Variants in GRID1 observed in about 807,000 individuals in gnomAD.
GRID1 encodes the protein glutamate ionotropic receptor delta type subunit 1, also known as glutamate receptor ionotropic, delta-1.
A neutral mutation model predicts 98.0 loss-of-function variants in GRID1; 28 were observed. That is an observed-to-expected ratio of 0.29 (90% confidence interval 0.21 to 0.39). The LOEUF is 0.39. GRID1 is among the 10% of genes least tolerant of loss of function. The probability of loss-of-function intolerance (pLI) is 1.00; values close to 1 mark genes in which losing one functional copy is unlikely to be tolerated. For synonymous variants in GRID1, 553 were observed against 538.5 expected, an observed-to-expected ratio of 1.03 and a Z score of -0.37; for missense variants, 1,111 against 1,340.5, an observed-to-expected ratio of 0.83 and a Z score of 2.67.
At chr10:85,806,406 T>C (rs569065845) in intron 8 of GRID1, among the ~76,000 whole-genome samples, 8 of 152,306 alleles carry the variant, frequency 5.3e-5, no homozygotes, top group African/African-American at 1.7e-4. Flanking sequence ...AGCAATTTCT[T>C]AGACTGTGTT....
intron 2 of GRID1, among the ~76,000 whole-genome samples, chr10:86,257,763 A>G (rs1215529129): frequency 3.3e-5 from 5 of 152,198 alleles, no homozygotes; most frequent in African/African-American, 9.7e-5. Flanking sequence ...GCTGAGAAAC[A>G]CAGAGAGGGC....
chr10:86,274,858 CAG>C (rs1847245172), intron 2 of GRID1, among the ~76,000 whole-genome samples: 1 of 151,784 alleles, frequency 6.6e-6, no homozygotes, highest in African/African-American at 2.4e-5. Flanking sequence ...CATCTGCAAA[CAG>C]GGACAATTTG....
At chr10:86,178,901 G>A (rs1392663814) in intron 3 of GRID1, among the ~76,000 whole-genome samples, 1 of 152,172 alleles carries the variant, frequency 6.6e-6, no homozygotes, top group African/African-American at 2.4e-5. Context: ...TGAGCCAAGA[G>A]CCTTGACCTT....
chr10:86,007,892 T>C (rs1442956369), intron 4 of GRID1, among the ~76,000 whole-genome samples: 2 of 151,542 alleles, frequency 1.3e-5, no homozygotes, highest in African/African-American at 4.9e-5. Flanking sequence ...GGGAGAGAGA[T>C]TCAAGAATGG....
At chr10:86,103,147 A>G (rs1844324254) in intron 4 of GRID1, among the ~76,000 whole-genome samples, 1 of 152,112 alleles carries the variant, frequency 6.6e-6, no homozygotes. Context: ...TACAGCAGGA[A>G]AGCAAGAGGA....
At chr10:86,161,467 G>A (rs1043851367) in intron 3 of GRID1, among the ~76,000 whole-genome samples, 12 of 152,076 alleles carry the variant, frequency 7.9e-5, no homozygotes, top group Non-Finnish European at 1.3e-4. Flanking sequence ...TACCCCCACC[G>A]AGCGCTCCTG....
intron 8 of GRID1, among the ~76,000 whole-genome samples, chr10:85,823,724 GA>G (rs1356974591): frequency 6.6e-6 from 1 of 151,888 alleles, no homozygotes. Flanking sequence ...ACAGTCAGGG[GA>G]AAAAATGTTA....
At chr10:86,280,022 A>G (rs1847335009) in intron 2 of GRID1, among the ~76,000 whole-genome samples, 1 of 151,966 alleles carries the variant, frequency 6.6e-6, no homozygotes, top group African/African-American at 2.4e-5. Context: ...GGGCAACATA[A>G]CAAGATCTCA....
intron 3 of GRID1, among the ~76,000 whole-genome samples, chr10:86,204,667 C>T (rs11201939): frequency 0.27 from 40,642 of 152,170 alleles, 6,346 homozygotes; most frequent in Non-Finnish European, 0.36. Context: ...ATCACCTGCC[C>T]TCCCAGCGGC....
At chr10:85,915,704 GACAT>G (rs1304769134) in intron 5 of GRID1, among the ~76,000 whole-genome samples, 5 of 151,482 alleles carry the variant, frequency 3.3e-5, no homozygotes, top group Non-Finnish European at 7.4e-5. Flanking sequence ...CATAAACACA[GACAT>G]ACACACACAC....
chr10:86,178,866 A>G (rs1386374020), intron 3 of GRID1, among the ~76,000 whole-genome samples: 5 of 152,188 alleles, frequency 3.3e-5, no homozygotes, highest in Middle Eastern at 6.8e-3. Context: ...GTGTTTCCTG[A>G]TGGGGAGAAT....
intron 12 of GRID1, among the ~76,000 whole-genome samples, chr10:85,717,038 A>G (rs906507779): frequency 6.6e-6 from 1 of 152,202 alleles, no homozygotes; most frequent in Non-Finnish European, 1.5e-5. Context: ...CTGGAGATAT[A>G]ATGTACAGCA....
chr10:85,713,770 G>T (rs1841607617), intron 12 of GRID1, among the ~76,000 whole-genome samples: 1 of 151,762 alleles, frequency 6.6e-6, no homozygotes, highest in South Asian at 2.1e-4. Flanking sequence ...CATCTCAAAA[G>T]ATGTAGAAAA....
At chr10:85,683,729 T>A (rs898443696) in intron 12 of GRID1, among the ~76,000 whole-genome samples, 9 of 152,220 alleles carry the variant, frequency 5.9e-5, no homozygotes, top group Non-Finnish European at 1.0e-4. Flanking sequence ...TAAATCCATA[T>A]TTTGAAACCT....
chr10:86,090,387 T>C (rs2131937850), intron 4 of GRID1, among the ~76,000 whole-genome samples: 1 of 151,902 alleles, frequency 6.6e-6, no homozygotes, highest in South Asian at 2.1e-4. Flanking sequence ...CACTCCAACC[T>C]GGGCAACACA....
At chr10:85,611,672 A>G (rs2132511955) in intron 15 of GRID1, among the ~76,000 whole-genome samples, 2 of 152,222 alleles carry the variant, frequency 1.3e-5, no homozygotes, top group East Asian at 3.9e-4. Flanking sequence ...CCACCCCATC[A>G]CAGCTGCCTA....
chr10:86,050,692 A>G (rs1589351871), intron 4 of GRID1, among the ~76,000 whole-genome samples: 1 of 152,308 alleles, frequency 6.6e-6, no homozygotes, highest in African/African-American at 2.4e-5. Flanking sequence ...AGTGCAAAAA[A>G]AGGAATGAAA....
intron 4 of GRID1, among the ~76,000 whole-genome samples, chr10:86,060,715 C>T (rs886369035): frequency 2.6e-5 from 4 of 152,308 alleles, no homozygotes; most frequent in Admixed American, 6.5e-5. Context: ...GAACCTCAGG[C>T]TGTGTCTCAC....
Position 85,977,211 on chromosome 10 carries a change from G to T in GRID1, c.727-60972C>A, listed in dbSNP as rs145903793. On this transcript the variant is annotated intron_variant, in intron 4 of 15. Transcript: ENST00000327946. ...AAGACTAGAGTTCCAAAAACGCTTA[G>T]AAAAGTGGCTGGCATGTAGTAGATG... Among the ~76,000 whole-genome samples, 209 of 152,338 alleles carry T rather than the reference G, an allele frequency of 1.4e-3. 1 individual carries two copies. The highest frequency in any genetic ancestry group is 4.6e-3 in the African/African-American group (193 of 41,570).
Sources: allele counts gnomAD v4.1 joint callset (sites outside exome capture counted in the v4.1 genomes callset), GRCh38; gene constraint gnomAD v4.1.1; transcripts MANE v1.5; gene names NCBI Gene and HGNC (gene_info 2026-07-23, HGNC 2026-07-21).